ATP8B1: variants seen among roughly 807,000 people sequenced by gnomAD.
ATP8B1 encodes ATPase phospholipid transporting 8B1.
A neutral mutation model predicts 149.9 loss-of-function variants in ATP8B1; 80 were observed. That is an observed-to-expected ratio of 0.53 (90% CI 0.45 to 0.64). The LOEUF (loss-of-function observed/expected upper bound fraction) is 0.64. Ranked by LOEUF, ATP8B1 falls within the 30% of genes least tolerant of loss-of-function variation. The pLI is 0.00. For missense variants in ATP8B1, 1,247 were observed against 1,552.6 expected (o/e 0.80, Z 3.31); for synonymous variants, 536 against 562.8 (o/e 0.95, Z 0.67).
intron 6 of ATP8B1, among the ~76,000 whole-genome samples, chr18:57,698,635 G>A (rs535282361): frequency 2.0e-5 from 3 of 152,040 alleles, no homozygotes; most frequent in Admixed American, 6.6e-5. Flanking sequence ...TCACCTGGCC[G>A]GTTAACTTCT....
At chr18:57,693,992 A>C (rs1912674647) in intron 11 of ATP8B1, among the ~76,000 whole-genome samples, 1 of 152,102 alleles carries the variant, frequency 6.6e-6, no homozygotes, top group South Asian at 2.1e-4. Flanking sequence ...TTTCCTTTGC[A>C]CTTTGCTCCA....
intron 1 of ATP8B1, among the ~76,000 whole-genome samples, chr18:57,793,815 C>T (rs2080485549): frequency 6.6e-6 from 1 of 152,160 alleles, no homozygotes; most frequent in Admixed American, 6.5e-5. Flanking sequence ...TGGCAGCTTG[C>T]ACCCTTGCCC....
At chr18:57,721,020 C>A (rs319412) in intron 2 of ATP8B1, among the ~76,000 whole-genome samples, 12,465 of 83,536 alleles carry the variant, frequency 0.15, 857 homozygotes, top group African/African-American at 0.17. Context: ...AAGGAGAAAT[C>A]AAATACTTTA....
chr18:57,659,869 G>C (rs907498051), intron 22 of ATP8B1: 1 of 152,178 alleles, frequency 6.6e-6, no homozygotes, highest in Admixed American at 6.5e-5. Flanking sequence ...GAAAAGTCTA[G>C]TTATATATAA....
chr18:57,674,254 A>AAAAAG (rs1174596851), intron 16 of ATP8B1, among the ~76,000 whole-genome samples: 106 of 145,638 alleles, frequency 7.3e-4, no homozygotes, highest in African/African-American at 1.3e-3. Flanking sequence ...AAAAAAAAAA[A>AAAAAG]AAAAGAAAAG....
rs58180867 is a variant in ATP8B1, at chr18:57,785,389, A to T, written c.-26+17609T>A. 4.8e-3 allele frequency among the ~76,000 whole-genome samples: 732 copies of T among 152,350 alleles called. 8 individuals are homozygous for T. Among genetic ancestry groups the T allele is most frequent in the African/African-American group, 0.017 (706 of 41,578 alleles). ...TAAGAGTCCTTTTTTTCCTAAGTAG[A>T]TGCTTAAAACAAATTCCCGATATTT... On this transcript the variant is annotated intron_variant, in intron 1 of 27. Transcript: ENST00000648908.
chr18:57,723,144 A>C (rs1412014498), intron 2 of ATP8B1, among the ~76,000 whole-genome samples: 8 of 150,694 alleles, frequency 5.3e-5, no homozygotes, highest in Non-Finnish European at 1.2e-4. Flanking sequence ...CCAATATCAT[A>C]CTGAATGGGG....
chr18:57,721,658 ACACCC>A lies in ATP8B1; in HGVS notation c.181+9964_181+9968del, dbSNP rs1264468840. Among the ~76,000 whole-genome samples the A allele has an allele frequency of 1.0e-4, 15 of 143,882 alleles. No homozygotes were observed. In the East Asian group the frequency reaches 3.1e-3, roughly 30 times the overall value. 94.4% of individuals were successfully genotyped at this position (143,882 alleles called of 152,430 possible). A position where few individuals can be genotyped will look rare whatever the true frequency, so the allele number is the denominator to read the frequency against. On this transcript the variant is annotated intron_variant, in intron 2 of 27. Coordinates refer to ENST00000648908, the MANE Select transcript of ATP8B1 (RefSeq NM_001374385.1). ...CACACATTAATAATGGGAGACTTTA[ACACCC>A]CACTGTCAACATTAGACAGATCAAC...
At chr18:57,692,805 T>C (rs971579696) in intron 11 of ATP8B1, among the ~76,000 whole-genome samples, 6 of 152,160 alleles carry the variant, frequency 3.9e-5, no homozygotes, top group African/African-American at 1.4e-4. Context: ...GTCATAAGTA[T>C]TGCATGACAT....
intron 1 of ATP8B1, among the ~76,000 whole-genome samples, chr18:57,763,857 C>T (rs897752585): frequency 6.6e-6 from 1 of 152,144 alleles, no homozygotes; most frequent in South Asian, 2.1e-4. Flanking sequence ...AGTTTCTAAA[C>T]TCAACAGACT....
intron 1 of ATP8B1, among the ~76,000 whole-genome samples, chr18:57,774,519 C>T (rs1230672668): frequency 1.3e-5 from 2 of 152,210 alleles, no homozygotes; most frequent in African/African-American, 2.4e-5. Context: ...ACTGCTTGAA[C>T]CTGGAGGCGG....
intron 26 of ATP8B1, 76 bp downstream of exon 26, chr18:57,651,958 T>C (rs1417826235): frequency 6.5e-7 from 1 of 1,530,796 alleles, no homozygotes. Flanking sequence ...ATTTTATTAC[T>C]TAACAGAAGT....
chr18:57,763,397 G>GA (rs71171089), intron 1 of ATP8B1, among the ~76,000 whole-genome samples: 41 of 145,990 alleles, frequency 2.8e-4, no homozygotes, highest in African/African-American at 3.8e-4. Flanking sequence ...CATCTCAAAA[G>GA]AAAAAAAAAA....
Position 57,648,552 on chromosome 18 carries a change from C to G in ATP8B1, c.3692G>C (p.Arg1231Pro), listed in dbSNP as rs1413340065. Residue 1231 changes from arginine to proline, a missense_variant, in exon 28 of 28, where the codon CGC becomes CCC. Physicochemically the swap from Arg to Pro is moderately radical, Grantham distance 103 (BLOSUM62 -2). Transcript: ENST00000648908. The stretch of plus-strand genomic sequence containing the variant: ...CGCCACGATGGCATCAAGCGGCGAG[C>G]GCTTCTTGCGGATGCTGCGCCCGGA... ...ISSGRSIRKK[R>P]SPLDAIVADG... The G allele has an allele frequency of 6.2e-7, 1 of 1,611,432 alleles. No homozygotes were observed. Among genetic ancestry groups the G allele is most frequent in the Non-Finnish European group, 8.5e-7 (1 of 1,179,974 alleles).
chr18:57,701,700 CTT>C (rs1332049355), intron 4 of ATP8B1, among the ~76,000 whole-genome samples: 6 of 144,016 alleles, frequency 4.2e-5, no homozygotes, highest in Non-Finnish European at 1.5e-5. Flanking sequence ...CTTTTTTTTT[CTT>C]TTTTTTTTTT....
rs1429810916 is a variant in ATP8B1 at position 57,672,921 on chromosome 18, TATATATATATAA to T, written c.1820-1353_1820-1342del. On this transcript the variant is annotated intron_variant, in intron 16 of 27. Coordinates refer to ENST00000648908, the MANE Select transcript of ATP8B1 (RefSeq NM_001374385.1). Reference sequence around the variant, plus strand: ...ATATATATATATATATATATATATATATATATATATAACATGTATATACACATATATACATAC... The same window carrying T: ...ATATATATATATATATATATATATATCATGTATATACACATATATACATAC... Among the ~76,000 whole-genome samples the T allele has an allele frequency of 2.1e-3, 100 of 48,320 alleles. 3 individuals are homozygous for T. The highest frequency in any genetic ancestry group is 0.019 in the South Asian group (22 of 1,188). The allele number at this position is 48,320 out of a possible 152,430, so 31.7% of individuals were successfully genotyped here. A position where few individuals can be genotyped will look rare whatever the true frequency, so the allele number is the denominator to read the frequency against.
chr18:57,708,291 G>A (rs150829247), intron 2 of ATP8B1, among the ~76,000 whole-genome samples: 149 of 151,798 alleles, frequency 9.8e-4, no homozygotes, highest in African/African-American at 3.3e-3. Context: ...GCCTTTCATC[G>A]GGTAATCATA....
intron 1 of ATP8B1, among the ~76,000 whole-genome samples, chr18:57,795,356 TCACACCACTG>T (rs71945373): frequency 0.12 from 17,763 of 151,924 alleles, 1,144 homozygotes; most frequent in Middle Eastern, 0.19. Context: ...TAAGCTATGA[TCACACCACTG>T]CACTCCAGCC....
chr18:57,676,463 T>TA (rs1250134989), intron 15 of ATP8B1, among the ~76,000 whole-genome samples: 1 of 151,340 alleles, frequency 6.6e-6, no homozygotes, highest in Admixed American at 6.6e-5. Context: ...CTCACGCCTG[T>TA]AATCCCAGCA....
Sources: allele counts gnomAD v4.1 joint callset (sites outside exome capture counted in the v4.1 genomes callset), GRCh38; gene constraint gnomAD v4.1.1; transcripts MANE v1.5; gene names NCBI Gene and HGNC (gene_info 2026-07-23, HGNC 2026-07-21).